The following COLEC12 variants were observed in gnomAD, a reference collection of about 807,000 sequenced individuals.
The protein encoded by COLEC12 is collectin-12.
In COLEC12, 33 loss-of-function variants were observed where a neutral mutation model predicts 71.1. The ratio of observed to expected loss-of-function variants is 0.46; its 90% CI spans 0.35 to 0.62. The LOEUF is 0.62. Ranked by LOEUF, COLEC12 falls within the 20% of genes least tolerant of loss-of-function variation. The probability of loss-of-function intolerance (pLI) is 0.00; values close to 1 mark genes in which losing one functional copy is unlikely to be tolerated. For missense variants in COLEC12, 765 were observed against 916.1 expected, an observed-to-expected ratio of 0.84 and a Z score of 2.13; for synonymous variants, 350 against 353.0, an observed-to-expected ratio of 0.99 and a Z score of 0.10.
chr18:449,118 A>G (rs1916708418), intron 2 of COLEC12, among the ~76,000 whole-genome samples: 1 of 152,074 alleles, frequency 6.6e-6, no homozygotes, highest in Admixed American at 6.5e-5. Context: ...ATAGTAAAAT[A>G]TAACAATAAA....
In COLEC12 at chr18:369,396, TA is replaced by T. The variant is rs1413304971; in HGVS notation, c.59-11875del. On this transcript the variant is annotated intron_variant, in intron 2 of 9. Coordinates refer to ENST00000400256, the MANE Select transcript of COLEC12 (RefSeq NM_130386.3). ...GAGGTGATACAGATCTTTTTTTTTTTATTTTTTTTTATTTTTATTTTTATTT... is the reference window on the plus strand; with the variant it reads ...GAGGTGATACAGATCTTTTTTTTTTTTTTTTTTTTATTTTTATTTTTATTT... 7.9e-4 allele frequency among the ~76,000 whole-genome samples: 113 copies of T among 143,260 alleles called. 1 individual carries two copies. The highest frequency in any genetic ancestry group is 7.5e-3 in the East Asian group (38 of 5,056). The allele number at this position is 143,260 out of a possible 152,430, so 94.0% of individuals were successfully genotyped here.
At chr18:487,452 G>A (rs1258381029) in intron 1 of COLEC12, among the ~76,000 whole-genome samples, 3 of 152,198 alleles carry the variant, frequency 2.0e-5, no homozygotes, top group Non-Finnish European at 2.9e-5. Flanking sequence ...TACACGTTAA[G>A]TGGATGATTT....
At chr18:466,268 T>A (rs1055662177) in intron 2 of COLEC12, among the ~76,000 whole-genome samples, 2 of 152,066 alleles carry the variant, frequency 1.3e-5, no homozygotes, top group African/African-American at 2.4e-5. Context: ...AAAAAATTTT[T>A]AAAAAATGGT....
At chr18:406,191 C>A (rs563586157) in intron 2 of COLEC12, among the ~76,000 whole-genome samples, 3 of 152,182 alleles carry the variant, frequency 2.0e-5, no homozygotes, top group South Asian at 4.2e-4. Flanking sequence ...CCTTGTTTAG[C>A]ATATCATCAA....
At chr18:381,463 T>G (rs925110886) in intron 2 of COLEC12, among the ~76,000 whole-genome samples, 1 of 152,158 alleles carries the variant, frequency 6.6e-6, no homozygotes, top group African/African-American at 2.4e-5. Flanking sequence ...AGTAAAAGTA[T>G]TATGTGTCAA....
At chr18:461,127 G>T (rs1202836672) in intron 2 of COLEC12, among the ~76,000 whole-genome samples, 1 of 152,102 alleles carries the variant, frequency 6.6e-6, no homozygotes, top group Non-Finnish European at 1.5e-5. Context: ...TGTTTAGACT[G>T]ATTAATTTTA....
chr18:361,577 CCA>C (rs1914744537), intron 2 of COLEC12, among the ~76,000 whole-genome samples: 1 of 152,316 alleles, frequency 6.6e-6, no homozygotes, highest in South Asian at 2.1e-4. Flanking sequence ...CCCCAGCCCA[CCA>C]CACACACGGA....
At chr18:468,184 C>G (rs570763740) in intron 2 of COLEC12, among the ~76,000 whole-genome samples, 81 of 151,790 alleles carry the variant, frequency 5.3e-4, no homozygotes, top group Non-Finnish European at 9.1e-4. Context: ...ATCGCTTAAA[C>G]CCGGTAGGCG....
intron 2 of COLEC12, among the ~76,000 whole-genome samples, chr18:394,877 A>T (rs914667562): frequency 2.0e-5 from 3 of 152,222 alleles, no homozygotes; most frequent in African/African-American, 7.2e-5. Flanking sequence ...TTCTGGGAGA[A>T]TACACCAGTC....
chr18:480,252 C>T lies in COLEC12; in HGVS notation c.58+455G>A, dbSNP rs1276143359. ...GTCACCTTTGGGGGCCATTCCCCAG[C>T]CTGCCACAGAGCCCCTGTGTCCAGG... On this transcript the variant is annotated intron_variant, in intron 2 of 9. Coordinates refer to ENST00000400256, the MANE Select transcript of COLEC12 (RefSeq NM_130386.3). The surrounding 1 kb of genome is among the most constrained non-coding windows in gnomAD (Gnocchi z 4.1). 6.6e-6 allele frequency among the ~76,000 whole-genome samples: 1 copy of T among 152,234 alleles called. No homozygotes were observed. Among genetic ancestry groups the T allele is most frequent in the Non-Finnish European group, 1.5e-5 (1 of 68,042 alleles).
intron 2 of COLEC12, among the ~76,000 whole-genome samples, chr18:458,601 A>T (rs1184911719): frequency 6.6e-6 from 1 of 152,264 alleles, no homozygotes; most frequent in Non-Finnish European, 1.5e-5. Context: ...CTAGGAGCTG[A>T]GGACCCCCTG....
At chr18:409,483 C>A (rs1915852652) in intron 2 of COLEC12, among the ~76,000 whole-genome samples, 1 of 152,196 alleles carries the variant, frequency 6.6e-6, no homozygotes, top group South Asian at 2.1e-4. Flanking sequence ...CAAGATCACA[C>A]CACTGTACTC....
At chr18:469,021 G>A (rs1027353170) in intron 2 of COLEC12, among the ~76,000 whole-genome samples, 2 of 152,254 alleles carry the variant, frequency 1.3e-5, no homozygotes, top group Non-Finnish European at 2.9e-5. Flanking sequence ...GATGGCGTGC[G>A]CAGCACATGG....
chr18:419,831 C>A (rs1312898672), intron 2 of COLEC12, among the ~76,000 whole-genome samples: 1 of 152,170 alleles, frequency 6.6e-6, no homozygotes, highest in East Asian at 1.9e-4. Context: ...TGGGGGTGAT[C>A]TCTGTGAAAA....
chr18:433,116 C>G (rs1266805820), intron 2 of COLEC12, among the ~76,000 whole-genome samples: 1 of 152,174 alleles, frequency 6.6e-6, no homozygotes, highest in Non-Finnish European at 1.5e-5. Flanking sequence ...CCTAATTTCT[C>G]TAAGTTCATG....
intron 2 of COLEC12, among the ~76,000 whole-genome samples, chr18:393,273 A>C (rs191430238): frequency 2.0e-5 from 3 of 152,366 alleles, no homozygotes; most frequent in Admixed American, 6.5e-5. Flanking sequence ...GAGCCTCTGA[A>C]GAGAATCAAC....
intron 1 of COLEC12, among the ~76,000 whole-genome samples, chr18:495,215 G>A (rs1007273398): frequency 6.6e-6 from 1 of 152,218 alleles, no homozygotes; most frequent in Non-Finnish European, 1.5e-5. Flanking sequence ...TGACTAAGAA[G>A]TTACTTCCCT....
chr18:479,279 A>G (rs1917364237), intron 2 of COLEC12, among the ~76,000 whole-genome samples: 1 of 151,584 alleles, frequency 6.6e-6, no homozygotes, highest in African/African-American at 2.4e-5. Context: ...AGGAGCACGG[A>G]GGAGGGGCGA....
chr18:394,540 C>T (rs893220153), intron 2 of COLEC12, among the ~76,000 whole-genome samples: 1 of 152,218 alleles, frequency 6.6e-6, no homozygotes, highest in Non-Finnish European at 1.5e-5. Flanking sequence ...CATTGCAGAG[C>T]AACATTCAAT....
Sources: gnomAD v4.1 joint callset for allele counts (sites outside exome capture counted in the v4.1 genomes callset) on GRCh38, gnomAD v4.1.1 for gene constraint, Gnocchi (gnomAD v3.1) non-coding constraint, MANE v1.5 for transcripts, NCBI Gene and HGNC (gene_info 2026-07-23, HGNC 2026-07-21) for gene names.